Variants in H2BK1 observed in about 807,000 individuals in gnomAD.
H2BK1 encodes the protein H2B.K variant histone 1, also known as histone H2B type 2-K1.
chr7:151,209,212 T>A, the H2BK1 span, among the ~76,000 whole-genome samples: 3 of 152,022 alleles, frequency 2.0e-5, no homozygotes, highest in Non-Finnish European at 2.9e-5. Context: ...GGCTCAGCGA[T>A]ACCCACTCCT....
chr7:151,209,900 C>T, the H2BK1 span, among the ~76,000 whole-genome samples: 1 of 152,132 alleles, frequency 6.6e-6, no homozygotes, highest in Non-Finnish European at 1.5e-5. Context: ...AAGTGTGGTC[C>T]TCTTGTCCTT....
chr7:151,208,246 T>C, the H2BK1 span: 2 of 727,504 alleles, frequency 2.7e-6, no homozygotes, highest in Admixed American at 2.6e-5. Flanking sequence ...CACCAGCCCC[T>C]TCCCAGAGGC....
the H2BK1 span, chr7:151,210,424 G>GCA: frequency 2.7e-6 from 1 of 373,674 alleles, no homozygotes; most frequent in African/African-American, 2.1e-5. Flanking sequence ...GAGGGGGGGG[G>GCA]GGGGCAGGTG....
At chr7:151,208,076 G>C in the H2BK1 span, 1 of 1,614,236 alleles carries the variant, frequency 6.2e-7, no homozygotes, top group South Asian at 1.1e-5. Context: ...GATGCTCATG[G>C]CCTTGGCAGA....
At chr7:151,207,921 C>A in the H2BK1 span, 1 of 1,174,644 alleles carries the variant, frequency 8.5e-7, no homozygotes, top group Non-Finnish European at 1.3e-6. Context: ...TCAGACACAG[C>A]GTGCTTGGCC....
At chr7:151,207,975 G>A in the H2BK1 span, 16 of 1,454,408 alleles carry the variant, frequency 1.1e-5, no homozygotes, top group African/African-American at 4.2e-5. Context: ...TGGACTTCTC[G>A]GGATGTCAGG....
At chr7:151,209,819 C>A in the H2BK1 span, among the ~76,000 whole-genome samples, 5 of 152,200 alleles carry the variant, frequency 3.3e-5, no homozygotes. Flanking sequence ...CTGATCACTC[C>A]TCTTCTCGGT....
chr7:151,209,463 A>C, the H2BK1 span, among the ~76,000 whole-genome samples: 1 of 151,972 alleles, frequency 6.6e-6, no homozygotes, highest in Non-Finnish European at 1.5e-5. Flanking sequence ...ACACATGGCT[A>C]CCCCCGCCTC....
chr7:151,207,848 CTTTA>C, the H2BK1 span: 3 of 836,638 alleles, frequency 3.6e-6, no homozygotes, highest in Admixed American at 1.8e-5. Flanking sequence ...ACAGTTCACC[CTTTA>C]TTTTTGTCAG....
At chr7:151,210,418 G>C in the H2BK1 span, 3 of 57,446 alleles carry the variant, frequency 5.2e-5, no homozygotes, top group South Asian at 5.9e-4. Context: ...ACCTGGGAGG[G>C]GGGGGGGGGG....
At chr7:151,207,841 GTTCACCCTTTATT>G in the H2BK1 span, 2 of 816,136 alleles carry the variant, frequency 2.5e-6, no homozygotes, top group Admixed American at 3.7e-5. Flanking sequence ...CACAGAAACA[GTTCACCCTTTATT>G]TTTGTCAGGC....
At chr7:151,210,147 G>A in the H2BK1 span, 3 of 398,810 alleles carry the variant, frequency 7.5e-6, no homozygotes, top group Non-Finnish European at 8.8e-6. Flanking sequence ...AAGGCGCTTT[G>A]TGAGGGCATC....
chr7:151,208,599 A>G, the H2BK1 span, among the ~76,000 whole-genome samples: 1 of 152,188 alleles, frequency 6.6e-6, no homozygotes, highest in East Asian at 1.9e-4. Context: ...AGCATAGGGA[A>G]GGTTATTTCC....
the H2BK1 span, chr7:151,208,014 G>T: frequency 2.5e-6 from 4 of 1,600,860 alleles, no homozygotes; most frequent in African/African-American, 1.3e-5. Context: ...TGGGCCAGCC[G>T]GGCAGCCTCA....
the H2BK1 span, chr7:151,210,169 T>C: frequency 2.5e-6 from 1 of 399,026 alleles, no homozygotes. Context: ...CTCACACACA[T>C]CCTTGCTATG....
the H2BK1 span, chr7:151,210,420 G>GAA: frequency 9.6e-6 from 3 of 313,628 alleles, no homozygotes; most frequent in African/African-American, 6.8e-5. Context: ...CTGGGAGGGG[G>GAA]GGGGGGGGCA....
At chr7:151,208,108 C>T in the H2BK1 span, 1 of 1,613,844 alleles carries the variant, frequency 6.2e-7, no homozygotes, top group Non-Finnish European at 8.5e-7. Flanking sequence ...CAGGGTGCAC[C>T]TGGAGAGAGG....
chr7:151,210,044 C>T, the H2BK1 span: 2 of 395,012 alleles, frequency 5.1e-6, no homozygotes, highest in Non-Finnish European at 8.9e-6. Flanking sequence ...AAAACCAGGT[C>T]CCGCCACCTC....
chr7:151,208,159 G>T, the H2BK1 span: 1,081 of 1,577,966 alleles, frequency 6.9e-4, 6 homozygotes, highest in South Asian at 6.7e-3. Context: ...GGGGAGGGGG[G>T]GTCCTGCCTA....
Sources: allele counts gnomAD v4.1 joint callset (sites outside exome capture counted in the v4.1 genomes callset), GRCh38; gene constraint gnomAD v4.1.1; transcripts MANE v1.5; gene names NCBI Gene and HGNC (gene_info 2026-07-23, HGNC 2026-07-21).